Variants in ADAMTSL1 observed in about 807,000 individuals in gnomAD.
ADAMTSL1 encodes ADAMTS like 1.
Under a neutral mutation model 201.8 loss-of-function variants are expected in ADAMTSL1, and 126 were observed. The observed-to-expected ratio is 0.62, with a 90% CI of 0.54 to 0.72. The LOEUF (loss-of-function observed/expected upper bound fraction) is 0.72. Ranked by LOEUF, ADAMTSL1 falls within the 30% of genes least tolerant of loss-of-function variation. The pLI is 0.00. For missense variants in ADAMTSL1, 2,679 were observed against 2,277.8 expected (o/e 1.18, Z -3.59); for synonymous variants, 1,121 against 903.4 (o/e 1.24, Z -4.32).
At chr9:18,281,290 T>TA (rs1257880789) in intron 2 of ADAMTSL1, among the ~76,000 whole-genome samples, 4 of 152,112 alleles carry the variant, frequency 2.6e-5, no homozygotes, top group African/African-American at 9.7e-5. Flanking sequence ...TATATATATA[T>TA]TTACACTCAC....
At chr9:18,574,672 A>G (rs1338713897) in intron 4 of ADAMTSL1, 2 of 278,506 alleles carry the variant, frequency 7.2e-6, no homozygotes, top group African/African-American at 4.4e-5. Context: ...AGGTAAGACC[A>G]ATTCTAAAAT....
intron 13 of ADAMTSL1, among the ~76,000 whole-genome samples, chr9:18,703,576 C>G (rs1226913095): frequency 6.6e-6 from 1 of 151,358 alleles, no homozygotes; most frequent in Non-Finnish European, 1.5e-5. Context: ...GGGAGATAAG[C>G]CAGTGAGGCT....
intron 2 of ADAMTSL1, among the ~76,000 whole-genome samples, chr9:18,393,374 G>A (rs1838131342): frequency 6.6e-6 from 1 of 152,164 alleles, no homozygotes; most frequent in South Asian, 2.1e-4. Context: ...AGGGATTAAA[G>A]GGGAAGGTAA....
chr9:18,622,586 G>C (rs933008552), intron 5 of ADAMTSL1: 2 of 643,502 alleles, frequency 3.1e-6, no homozygotes, highest in Admixed American at 5.9e-5. Context: ...TCCTTCTGAG[G>C]CACATCAGGA....
chr9:17,971,737 A>G (rs1818213437), intron 1 of ADAMTSL1, among the ~76,000 whole-genome samples: 2 of 151,920 alleles, frequency 1.3e-5, no homozygotes, highest in African/African-American at 2.4e-5. Flanking sequence ...TTCTGCCTGT[A>G]CACTTGAAGA....
chr9:18,185,574 A>T (rs552493865), intron 2 of ADAMTSL1, among the ~76,000 whole-genome samples: 1 of 152,196 alleles, frequency 6.6e-6, no homozygotes, highest in South Asian at 2.1e-4. Flanking sequence ...GGTTTCTTAA[A>T]CTATGAAACA....
intron 4 of ADAMTSL1, among the ~76,000 whole-genome samples, chr9:18,604,809 A>G (rs1022029538): frequency 2.0e-5 from 3 of 152,130 alleles, no homozygotes; most frequent in Non-Finnish European, 2.9e-5. Flanking sequence ...TGGTAATTGC[A>G]TGTTTAATTT....
intron 1 of ADAMTSL1, among the ~76,000 whole-genome samples, chr9:18,481,040 T>C (rs1403506738): frequency 6.6e-6 from 1 of 152,126 alleles, no homozygotes; most frequent in Non-Finnish European, 1.5e-5. Flanking sequence ...GCTGAGAAGC[T>C]GAAACCAGGG....
At chr9:18,758,805 C>A (rs748673211) in intron 16 of ADAMTSL1, among the ~76,000 whole-genome samples, 6 of 152,184 alleles carry the variant, frequency 3.9e-5, no homozygotes, top group African/African-American at 1.4e-4. Context: ...CTTCGGGGGC[C>A]ATTGTTCAGC....
At chr9:18,648,212 C>T (rs1050324660) in intron 7 of ADAMTSL1, among the ~76,000 whole-genome samples, 5 of 133,332 alleles carry the variant, frequency 3.8e-5, no homozygotes, top group Admixed American at 8.1e-5. Context: ...ATTGCCAACC[C>T]TGCCTTTTTT....
At chr9:18,074,541 CTTCTT>C (rs1823121834) in intron 1 of ADAMTSL1, among the ~76,000 whole-genome samples, 2 of 101,332 alleles carry the variant, frequency 2.0e-5, no homozygotes, top group Non-Finnish European at 4.4e-5. Context: ...TTTCTTCTCT[CTTCTT>C]TTCTCTTCTC....
At chr9:18,166,240 A>G (rs1333481410) in intron 2 of ADAMTSL1, among the ~76,000 whole-genome samples, 1 of 151,930 alleles carries the variant, frequency 6.6e-6, no homozygotes, top group Non-Finnish European at 1.5e-5. Context: ...CCTAGGATTT[A>G]GCCCAGCACT....
intron 4 of ADAMTSL1, among the ~76,000 whole-genome samples, chr9:18,607,502 G>T (rs1825099176): frequency 6.6e-6 from 1 of 151,602 alleles, no homozygotes; most frequent in Non-Finnish European, 1.5e-5. Context: ...TTTAATTGAC[G>T]CTGTATTATG....
At position 18,393,963 on chromosome 9, in the gene ADAMTSL1, T is replaced by C. The variant is rs530680959; in HGVS notation, c.208-110866T>C. Among the ~76,000 whole-genome samples the C allele has an allele frequency of 7.2e-5, 11 of 152,330 alleles. No individual in the cohort carries two copies. In the South Asian group the frequency reaches 2.3e-3, roughly 32 times the overall value. On this transcript the variant is annotated intron_variant, in intron 2 of 29. Transcript: ENST00000680146. ...AAATATCCTAATGTGTAAGCCAGTT[T>C]AAATAAGGTTTCGGGTTACTTTGTT... is the stretch of plus-strand genomic sequence containing the variant.
In ADAMTSL1 at chr9:18,144,428, G is replaced by A. The variant is rs558682310; in HGVS notation, c.88-19434G>A. 3.3e-5 allele frequency among the ~76,000 whole-genome samples: 5 copies of A among 151,954 alleles called. No individual in the cohort carries two copies. The South Asian group carries it at 1.0e-3, about 32-fold the overall frequency. On this transcript the variant is annotated intron_variant, in intron 1 of 29. Coordinates refer to the ADAMTSL1 transcript ENST00000680146. The stretch of plus-strand genomic sequence containing the variant: ...ACCTTGTTGGCCAGGCTGGTCTCGA[G>A]CTCCTGACCTCAGGTGATCCTCCCT...
intron 4 of ADAMTSL1, among the ~76,000 whole-genome samples, chr9:18,613,868 C>T (rs1188696682): frequency 3.3e-5 from 5 of 152,004 alleles, no homozygotes; most frequent in African/African-American, 1.2e-4. Flanking sequence ...ACATCATGCA[C>T]ATGTACCCCT....
At chr9:18,681,743 G>T (rs72688674) in intron 11 of ADAMTSL1, 69 bp from the exon 12 acceptor site, 106,590 of 1,207,022 alleles carry the variant, frequency 0.088, 5,347 homozygotes, top group African/African-American at 0.18. Flanking sequence ...AAAAGTTTTC[G>T]ATGGGAAGTG....
chr9:18,517,218 T>G (rs1002739036), intron 2 of ADAMTSL1, among the ~76,000 whole-genome samples: 4 of 152,172 alleles, frequency 2.6e-5, no homozygotes, highest in Non-Finnish European at 5.9e-5. Context: ...TTCTTGCTAG[T>G]GGATCTTAAG....
At chr9:18,683,226 T>TTTTG (rs1200181121) in intron 12 of ADAMTSL1, among the ~76,000 whole-genome samples, 8 of 52,216 alleles carry the variant, frequency 1.5e-4, no homozygotes, top group Non-Finnish European at 3.0e-4. Flanking sequence ...CTGAGGTTTT[T>TTTTG]TTTGTTTTTT....
Sources: allele counts gnomAD v4.1 joint callset (sites outside exome capture counted in the v4.1 genomes callset), GRCh38; gene constraint gnomAD v4.1.1; transcripts MANE v1.5; gene names NCBI Gene and HGNC (gene_info 2026-07-23, HGNC 2026-07-21).